Variants in CSMD1 observed in about 807,000 individuals in gnomAD.
The protein encoded by CSMD1 is CUB and Sushi multiple domains 1.
A neutral mutation model predicts 417.5 loss-of-function variants in CSMD1; 213 were observed. The observed-to-expected ratio is 0.51, with a 90% CI of 0.46 to 0.57. CSMD1 has a LOEUF of 0.57. Ranked by LOEUF, CSMD1 falls within the 20% of genes least tolerant of loss-of-function variation. The pLI is 0.00. For synonymous variants in CSMD1, 2,862 were observed against 1,736.8 expected, an observed-to-expected ratio of 1.65 and a Z score of -16.11; for missense variants, 6,923 against 4,529.7, an observed-to-expected ratio of 1.53 and a Z score of -15.17.
At chr8:4,424,786 G>C (rs552174349) in intron 2 of CSMD1, among the ~76,000 whole-genome samples, 2 of 152,118 alleles carry the variant, frequency 1.3e-5, no homozygotes, top group Non-Finnish European at 2.9e-5. Flanking sequence ...TCAATATTCG[G>C]TTGTGTAATT....
In CSMD1 at chr8:3,205,510, C is replaced by A; in HGVS notation, c.4978G>T (p.Glu1660Ter). The A allele has an allele frequency of 6.6e-7, 1 of 1,515,728 alleles. No homozygotes were observed. The highest frequency in any genetic ancestry group is 1.2e-5 in the South Asian group (1 of 83,844). 93.9% of individuals were successfully genotyped at this position (1,515,728 alleles called of 1,614,324 possible). A position where few individuals can be genotyped will look rare whatever the true frequency, so the allele number is the denominator to read the frequency against. ...ICLYSITVPK[E>*]FVVFGQFAYF... Reference sequence around the variant, plus strand: ...AATACAAGGACATCCTTACCGAATTCCTTTGGTACCGTGATGGAATAGAGG... The same window carrying A: ...AATACAAGGACATCCTTACCGAATTACTTTGGTACCGTGATGGAATAGAGG... Residue 1660 changes from glutamate (E) to a stop codon, truncating the protein, a stop_gained, in exon 31 of 70, where the codon GAA becomes TAA. Coordinates refer to ENST00000635120, the MANE Select transcript of CSMD1 (RefSeq NM_033225.6). LOFTEE classifies it high-confidence loss of function.
intron 18 of CSMD1, among the ~76,000 whole-genome samples, chr8:3,386,272 C>T (rs556845067): frequency 2.6e-5 from 4 of 152,344 alleles, no homozygotes; most frequent in African/African-American, 4.8e-5. Flanking sequence ...CGTTGCTTGG[C>T]CAGTGGCTCA....
chr8:3,658,290 T>G (rs1270833799), intron 7 of CSMD1, among the ~76,000 whole-genome samples: 1 of 152,074 alleles, frequency 6.6e-6, no homozygotes, highest in Non-Finnish European at 1.5e-5. Context: ...TGATTGTATT[T>G]GTGTATAAAC....
chr8:4,410,990 G>C (rs1304142701), intron 3 of CSMD1, among the ~76,000 whole-genome samples: 1 of 152,106 alleles, frequency 6.6e-6, no homozygotes, highest in Non-Finnish European at 1.5e-5. Context: ...ATACAGTGAG[G>C]TTGCCCCTGT....
rs1420603978 is a variant in CSMD1, at chr8:3,040,734, CAGAGGTT to C, written c.7661-11228_7661-11222del. 7.9e-5 allele frequency among the ~76,000 whole-genome samples: 12 copies of C among 152,166 alleles called. No individual in the cohort carries two copies. In the South Asian group the frequency reaches 2.3e-3, roughly 29 times the overall value. Reference sequence around the variant, plus strand: ...AAAAGAATCGCTTGAACCCGAGAGACAGAGGTTAGAGCGAGTTGAGATCGTGCCACTG... The same window carrying C: ...AAAAGAATCGCTTGAACCCGAGAGACAGAGCGAGTTGAGATCGTGCCACTG... On this transcript the variant is annotated intron_variant, in intron 50 of 69. Coordinates refer to ENST00000635120, the MANE Select transcript of CSMD1 (RefSeq NM_033225.6).
At chr8:4,183,458 T>A (rs1798489706) in intron 3 of CSMD1, among the ~76,000 whole-genome samples, 1 of 152,354 alleles carries the variant, frequency 6.6e-6, no homozygotes, top group South Asian at 2.1e-4. Context: ...AGCCCCTCAA[T>A]GACATGTTCT....
intron 3 of CSMD1, among the ~76,000 whole-genome samples, chr8:4,391,257 C>G (rs1360877107): frequency 1.3e-5 from 2 of 152,188 alleles, no homozygotes; most frequent in Non-Finnish European, 2.9e-5. Flanking sequence ...AACTCCCCCA[C>G]TCACTGCTTT....
intron 3 of CSMD1, among the ~76,000 whole-genome samples, chr8:4,144,344 T>C (rs922565196): frequency 6.6e-6 from 1 of 151,186 alleles, no homozygotes; most frequent in African/African-American, 2.5e-5. Flanking sequence ...ACTTCTCTTC[T>C]TTCTTCTGTA....
rs554631681 is a variant in CSMD1 at position 4,369,572 on chromosome 8, C to A, written c.415+50381G>T. On this transcript the variant is annotated intron_variant, in intron 3 of 69. Transcript: ENST00000635120. ...TCTCCCAGTATTATTGAGTGGTTGT[C>A]TAAGTCTGTCTGTAGATCTCTATGA... 2.0e-5 allele frequency among the ~76,000 whole-genome samples: 3 copies of A among 151,226 alleles called. No individual in the cohort carries two copies. In the East Asian group the frequency reaches 5.8e-4, roughly 29 times the overall value.
intron 26 of CSMD1, among the ~76,000 whole-genome samples, chr8:3,272,302 G>C (rs1194057505): frequency 6.9e-6 from 1 of 145,216 alleles, no homozygotes; most frequent in Non-Finnish European, 1.5e-5. Flanking sequence ...CTCTGTTTTG[G>C]TACCAGTACC....
intron 52 of CSMD1, among the ~76,000 whole-genome samples, chr8:3,005,917 G>A (rs924271863): frequency 2.6e-5 from 4 of 152,022 alleles, no homozygotes; most frequent in Non-Finnish European, 5.9e-5. Flanking sequence ...GGAAGTTCTG[G>A]CCAGGGCAAT....
intron 3 of CSMD1, among the ~76,000 whole-genome samples, chr8:4,061,492 T>G (rs1798971065): frequency 1.3e-5 from 2 of 152,148 alleles, no homozygotes; most frequent in African/African-American, 4.8e-5. Flanking sequence ...GGAGTTTAAA[T>G]AAAAACTGTA....
chr8:4,494,726 G>T (rs948424468), intron 2 of CSMD1, among the ~76,000 whole-genome samples: 1 of 151,998 alleles, frequency 6.6e-6, no homozygotes, highest in African/African-American at 2.4e-5. Flanking sequence ...GGTTAAGTAT[G>T]CAAAAATGGC....
chr8:3,691,147 A>C (rs1800218970), intron 7 of CSMD1, among the ~76,000 whole-genome samples: 1 of 152,094 alleles, frequency 6.6e-6, no homozygotes, highest in African/African-American at 2.4e-5. Context: ...CAGGCGGATC[A>C]CCTGAGGTCA....
chr8:2,950,116 A>C, intron 67 of CSMD1, 115 bp downstream of exon 67: 1 of 666,146 alleles, frequency 1.5e-6, no homozygotes, highest in Non-Finnish European at 2.7e-6. Flanking sequence ...TGAGTTTTCA[A>C]GGGGCAGACA....
intron 5 of CSMD1, among the ~76,000 whole-genome samples, chr8:3,918,679 T>C (rs1433186178): frequency 3.9e-5 from 6 of 152,154 alleles, no homozygotes; most frequent in Non-Finnish European, 8.8e-5. Flanking sequence ...GTTTATATGA[T>C]GGAATACTAC....
At chr8:3,394,646 G>C (rs972375999) in intron 17 of CSMD1, among the ~76,000 whole-genome samples, 1 of 151,982 alleles carries the variant, frequency 6.6e-6, no homozygotes, top group Non-Finnish European at 1.5e-5. Context: ...GAGGGGTGTG[G>C]GAGAGGATGA....
intron 3 of CSMD1, among the ~76,000 whole-genome samples, chr8:4,349,398 G>T (rs931508364): frequency 6.6e-6 from 1 of 152,148 alleles, no homozygotes; most frequent in African/African-American, 2.4e-5. Context: ...GTAGGCAGAG[G>T]AAATATTATC....
intron 3 of CSMD1, among the ~76,000 whole-genome samples, chr8:4,274,990 G>C (rs1226894042): frequency 9.2e-5 from 14 of 152,118 alleles, no homozygotes; most frequent in Non-Finnish European, 2.1e-4. Context: ...GTGTGGTATA[G>C]AATGACAGGT....
Sources: allele counts gnomAD v4.1 joint callset (sites outside exome capture counted in the v4.1 genomes callset), GRCh38; gene constraint gnomAD v4.1.1; transcripts MANE v1.5; gene names NCBI Gene and HGNC (gene_info 2026-07-23, HGNC 2026-07-21).